STRN: variants seen among roughly 807,000 people sequenced by gnomAD.
STRN encodes protein phosphatase 2 regulatory subunit B'''alpha.
In STRN, 53 loss-of-function variants were observed where a neutral mutation model predicts 96.3. The ratio of observed to expected loss-of-function variants is 0.55; its 90% CI spans 0.44 to 0.69. STRN has a LOEUF of 0.69. STRN is among the 30% of genes least tolerant of loss of function. The pLI, the probability that STRN is intolerant of heterozygous loss-of-function variation, is 0.00. For synonymous variants in STRN, 428 were observed against 355.9 expected, an observed-to-expected ratio of 1.20 and a Z score of -2.28; for missense variants, 987 against 963.9, an observed-to-expected ratio of 1.02 and a Z score of -0.32.
At chr2:36,952,892 C>T (rs1664795895) in intron 1 of STRN, among the ~76,000 whole-genome samples, 1 of 152,106 alleles carries the variant, frequency 6.6e-6, no homozygotes, top group Non-Finnish European at 1.5e-5. Flanking sequence ...TTGGTTGTGC[C>T]TATAATTTAA....
chr2:36,885,313 C>G (rs1669191045), intron 8 of STRN, among the ~76,000 whole-genome samples: 1 of 151,974 alleles, frequency 6.6e-6, no homozygotes, highest in Non-Finnish European at 1.5e-5. Context: ...GCATAATGAC[C>G]TAAAGAAAAA....
In STRN at chr2:36,964,268, TTTTG is replaced by T. The variant is rs1215627821; in HGVS notation, c.234+1958_234+1961del. Reference sequence around the variant, plus strand: ...TTTCTGGTGTGTGTGTGTGTTTTGTTTTTGTTTTTTTTTTTTTAACCAAATTAGT... The same window carrying T: ...TTTCTGGTGTGTGTGTGTGTTTTGTTTTTTTTTTTTTTTAACCAAATTAGT... On this transcript the variant is annotated intron_variant, in intron 1 of 17. Transcript: ENST00000263918. Among the ~76,000 whole-genome samples, 545 of 150,534 alleles carry T rather than the reference TTTTG, an allele frequency of 3.6e-3. 3 individuals are homozygous for T. Among genetic ancestry groups the T allele is most frequent in the African/African-American group, 0.01 (426 of 40,812 alleles).
chr2:36,867,697 A>G (rs916036832), intron 12 of STRN, 117 bp downstream of exon 12: 5 of 611,366 alleles, frequency 8.2e-6, no homozygotes, highest in African/African-American at 5.7e-5. Context: ...ATTCTTTTAC[A>G]TTAAAAAAAC....
chr2:36,842,678 T>G lies in STRN; in HGVS notation c.*6778A>C, dbSNP rs1003032143. ...TTAGGAATAAGGAAAGGGTTAGGTT[T>G]TGTAGGGTTTGAGTGATACTTAGAA... On this transcript the variant is annotated 3_prime_UTR_variant, in exon 18 of 18. Transcript: ENST00000263918. 2 of 152,124 alleles carry G rather than the reference T, an allele frequency of 1.3e-5. No individual in the cohort carries two copies. The highest frequency in any genetic ancestry group is 2.9e-5 in the Non-Finnish European group (2 of 68,008). 9.4% of individuals were successfully genotyped at this position (152,124 alleles called of 1,614,324 possible).
intron 16 of STRN, 99 bp from the exon 17 acceptor site, chr2:36,849,899 T>C (rs1668177457): frequency 9.7e-6 from 11 of 1,135,770 alleles, no homozygotes; most frequent in Admixed American, 1.9e-5. Context: ...CATCCCTCTC[T>C]GTGTGCTTAC....
At chr2:36,934,084 G>A (rs1013810269) in intron 1 of STRN, among the ~76,000 whole-genome samples, 2 of 152,110 alleles carry the variant, frequency 1.3e-5, no homozygotes, top group African/African-American at 2.4e-5. Flanking sequence ...ACTCCAGCCT[G>A]GGTGACAGAG....
chr2:36,858,056 G>A, intron 13 of STRN, 33 bp from the exon 14 acceptor site: 4 of 1,512,218 alleles, frequency 2.6e-6, no homozygotes, highest in African/African-American at 1.4e-5. Context: ...AAAATCAGGA[G>A]AAAAACAACC....
At chr2:36,855,023 T>C (rs1033871817) in intron 15 of STRN, among the ~76,000 whole-genome samples, 189 bp downstream of exon 15, 5 of 152,184 alleles carry the variant, frequency 3.3e-5, no homozygotes, top group Non-Finnish European at 5.9e-5. Flanking sequence ...AGTATAGTTA[T>C]AAATGTACAT....
In STRN at chr2:36,848,955, T is replaced by C. The variant is rs961209015; in HGVS notation, c.*501A>G. ...TCAAATTAAAAACTCAGTTTAACAC[T>C]GCCTGGTCATTATACACAAAGGGGT... On this transcript the variant is annotated 3_prime_UTR_variant, in exon 18 of 18. Transcript: ENST00000263918. 6.5e-6 allele frequency: 1 copy of C among 154,132 alleles called. No individual in the cohort carries two copies. Among genetic ancestry groups the C allele is most frequent in the Non-Finnish European group, 1.4e-5 (1 of 69,012 alleles). 9.5% of individuals were successfully genotyped at this position (154,132 alleles called of 1,614,324 possible). A position where few individuals can be genotyped will look rare whatever the true frequency, so the allele number is the denominator to read the frequency against.
chr2:36,860,136 T>A (rs945244772), intron 13 of STRN, among the ~76,000 whole-genome samples: 3 of 151,998 alleles, frequency 2.0e-5, no homozygotes, highest in Non-Finnish European at 2.9e-5. Context: ...GCAAGGAGGG[T>A]AAGGCTTAAT....
chr2:36,861,195 T>C lies in STRN; in HGVS notation c.1606A>G (p.Thr536Ala), dbSNP rs1668470337. The C allele has an allele frequency of 6.2e-7, 1 of 1,614,096 alleles. No individual in the cohort carries two copies. The highest frequency in any genetic ancestry group is 1.7e-5 in the Admixed American group (1 of 60,026). Residue 536 changes from threonine (T) to alanine (A), a missense_variant, in exon 13 of 18, where the codon ACT becomes GCT. Transcript: ENST00000263918. ...SNGEQCYSGG[T>A]DGLIQGWNTT... ...TTCCAGCCCTGGATCAGTCCATCAG[T>C]ACCACCACTGTAACACTGCTCACCA...
rs1376481781 is a variant in STRN at position 36,837,879 on chromosome 2, G to A, written c.*11577C>T. 2.0e-5 allele frequency among the ~76,000 whole-genome samples: 3 copies of A among 151,966 alleles called. No individual in the cohort carries two copies. Among genetic ancestry groups the A allele is most frequent in the Non-Finnish European group, 2.9e-5 (2 of 68,004 alleles). ...AAAAAGACAAACGGTACAAACATATGGACCAAAAATAAGAAAAATTTAAAA... is the reference window on the plus strand; with the variant it reads ...AAAAAGACAAACGGTACAAACATATAGACCAAAAATAAGAAAAATTTAAAA... On this transcript the variant is annotated 3_prime_UTR_variant, in exon 18 of 18. Coordinates refer to ENST00000263918, the MANE Select transcript of STRN (RefSeq NM_003162.4).
At position 36,887,167 on chromosome 2, in the gene STRN, G is replaced by T. The variant is rs540910407; in HGVS notation, c.932-341C>A. Among the ~76,000 whole-genome samples, 246 of 151,380 alleles carry T rather than the reference G, an allele frequency of 1.6e-3. 1 individual carries two copies. The highest frequency in any genetic ancestry group is 1.9e-3 in the Non-Finnish European group (132 of 67,870). On this transcript the variant is annotated intron_variant, in intron 7 of 17. Transcript: ENST00000263918. ...TTCTCGGCCAGGTGGGGTGGCTCAC[G>T]CCTATAATTCCAGCACTTTAGGAGG...
intron 10 of STRN, among the ~76,000 whole-genome samples, chr2:36,871,644 T>C (rs556155521): frequency 3.9e-5 from 6 of 152,210 alleles, no homozygotes; most frequent in South Asian, 2.1e-4. Context: ...AGCTGTTATT[T>C]TGGGCATTAT....
intron 1 of STRN, among the ~76,000 whole-genome samples, chr2:36,945,473 C>A (rs1463047989): frequency 6.6e-6 from 1 of 152,138 alleles, no homozygotes; most frequent in Non-Finnish European, 1.5e-5. Context: ...TGAGACCAGC[C>A]TGGCTAACGT....
intron 9 of STRN, among the ~76,000 whole-genome samples, chr2:36,880,531 G>A (rs1311028485): frequency 6.6e-6 from 1 of 152,122 alleles, no homozygotes; most frequent in Non-Finnish European, 1.5e-5. Context: ...CATAAATTAA[G>A]ACATTATCAA....
At chr2:36,885,565 A>T (rs762803302) in intron 8 of STRN, among the ~76,000 whole-genome samples, 7 of 152,176 alleles carry the variant, frequency 4.6e-5, no homozygotes, top group Non-Finnish European at 8.8e-5. Context: ...TAGCATTACA[A>T]CATCATCTCT....
chr2:36,955,888 G>C (rs1664875325), intron 1 of STRN, among the ~76,000 whole-genome samples: 1 of 152,136 alleles, frequency 6.6e-6, no homozygotes, highest in Admixed American at 6.5e-5. Flanking sequence ...ATTCATTTAT[G>C]TTTCATATAT....
chr2:36,939,941 T>C (rs1024723713), intron 1 of STRN, among the ~76,000 whole-genome samples: 1 of 152,216 alleles, frequency 6.6e-6, no homozygotes, highest in Admixed American at 6.5e-5. Flanking sequence ...CTAACCAATA[T>C]ACTGTAGTAA....
Sources: allele counts gnomAD v4.1 joint callset (sites outside exome capture counted in the v4.1 genomes callset), GRCh38; gene constraint gnomAD v4.1.1; transcripts MANE v1.5; gene names NCBI Gene and HGNC (gene_info 2026-07-23, HGNC 2026-07-21).